Variants in ABCB4 observed in about 807,000 individuals in gnomAD.
ABCB4 encodes the protein ATP binding cassette subfamily B member 4.
Under a neutral mutation model 145.7 loss-of-function variants are expected in ABCB4, and 76 were observed. The ratio of observed to expected loss-of-function variants is 0.52; its 90% CI spans 0.43 to 0.63. The LOEUF is 0.63. Among genes scored for constraint, ABCB4 ranks in the 30% least tolerant of loss-of-function variants. ABCB4 has a pLI of 0.00. For synonymous variants in ABCB4, 517 were observed against 566.8 expected (o/e 0.91, Z 1.25); for missense variants, 1,234 against 1,553.1 (o/e 0.79, Z 3.45).
At chr7:87,457,394 A>T (rs1416582406) in intron 4 of ABCB4, among the ~76,000 whole-genome samples, 1 of 152,144 alleles carries the variant, frequency 6.6e-6, no homozygotes, top group Admixed American at 6.5e-5. Context: ...TGGGCAACAG[A>T]GCAAGACCCT....
the ABCB4 span, among the ~76,000 whole-genome samples, chr7:87,366,726 G>T: frequency 6.6e-6 from 1 of 152,176 alleles, no homozygotes; most frequent in South Asian, 2.1e-4. Context: ...TCAAATCTTT[G>T]CTACCTCTCC....
At chr7:87,475,238 TC>T in intron 2 of ABCB4, 147 bp downstream of exon 2, 1 of 908,096 alleles carries the variant, frequency 1.1e-6, no homozygotes, top group Non-Finnish European at 1.8e-6. Flanking sequence ...TGCTCCAAGG[TC>T]AGAACCGGAT....
the ABCB4 span, among the ~76,000 whole-genome samples, chr7:87,390,772 AGGTCAAG>A: frequency 1.3e-5 from 2 of 152,218 alleles, no homozygotes; most frequent in Non-Finnish European, 2.9e-5. Context: ...GAGGCACTAA[AGGTCAAG>A]GACTCTGTAT....
At chr7:87,375,514 T>G in the ABCB4 span, 1 of 644,176 alleles carries the variant, frequency 1.6e-6, no homozygotes, top group Non-Finnish European at 2.6e-6. Context: ...TCATAAGTGG[T>G]TTCTTTGGGT....
chr7:87,387,340 G>A, the ABCB4 span, among the ~76,000 whole-genome samples: 1 of 151,876 alleles, frequency 6.6e-6, no homozygotes, highest in East Asian at 1.9e-4. Flanking sequence ...CAGTAAATTT[G>A]TGTTTAAGTC....
Position 87,408,139 on chromosome 7 carries a change from C to T in ABCB4, c.3177G>A (p.Val1059=). The change falls in exon 25 of 28, where the codon GTG becomes GTA. Residue 1059 remains valine (V), a synonymous_variant. Transcript: ENST00000649586. The part of the protein sequence containing the change: ...VPVLQGLSLE[V]KKGQTLALVG... The stretch of plus-strand genomic sequence containing the variant: ...CCAGGGCTAGTGTCTGGCCTTTCTT[C>T]ACCTCCAGGCTCAGCCCCTGAAGCA... The T allele has an allele frequency of 6.2e-7, 1 of 1,614,230 alleles. No individual in the cohort carries two copies. The highest frequency in any genetic ancestry group is 8.5e-7 in the Non-Finnish European group (1 of 1,180,032).
the ABCB4 span, among the ~76,000 whole-genome samples, chr7:87,378,018 C>T: frequency 1.3e-5 from 2 of 152,034 alleles, no homozygotes; most frequent in Admixed American, 1.3e-4. Flanking sequence ...GATAGGCATT[C>T]AGGAGGTCTA....
chr7:87,386,288 T>A, the ABCB4 span, among the ~76,000 whole-genome samples: 2 of 152,232 alleles, frequency 1.3e-5, no homozygotes, highest in African/African-American at 4.8e-5. Context: ...AGTGAAGCCA[T>A]CAGGTCCTAA....
chr7:87,411,614 A>G lies in ABCB4; in HGVS notation c.2924+279T>C, dbSNP rs1808630627. 2.6e-5 allele frequency among the ~76,000 whole-genome samples: 4 copies of G among 152,282 alleles called. No homozygotes were observed. In the South Asian group the frequency reaches 8.3e-4, roughly 32 times the overall value. On this transcript the variant is annotated intron_variant, in intron 23 of 27. Transcript: ENST00000649586. ...TGATTTTTTCTGCCTATATTCTATA[A>G]TGAGAAAATTTGCATCATCCTGACC...
Position 87,451,715 on chromosome 7 carries a change from A to T in ABCB4, c.616T>A (p.Phe206Ile), listed in dbSNP as rs754441931. ...FQAVATFFAG[F>I]IVGFIRGWKL... ...CATCCTCTGATGAATCCCACTATGAATCCTGCAAAAAACGTGGCTACTGCT... is the reference window on the plus strand; with the variant it reads ...CATCCTCTGATGAATCCCACTATGATTCCTGCAAAAAACGTGGCTACTGCT... Residue 206 changes from phenylalanine to isoleucine, a missense_variant, in exon 7 of 28, where the codon TTC becomes ATC. Around this residue, in one of 7 missense-constraint regions of ABCB4, gnomAD observed 467 missense variants for 632.8 expected, o/e 0.74. Coordinates refer to ENST00000649586, the MANE Select transcript of ABCB4 (RefSeq NM_000443.4). 9.9e-6 allele frequency: 16 copies of T among 1,614,190 alleles called. No individual in the cohort carries two copies. In the South Asian group the frequency reaches 1.8e-4, roughly 18 times the overall value.
the ABCB4 span, among the ~76,000 whole-genome samples, chr7:87,385,396 A>AT: frequency 1.3e-5 from 2 of 150,998 alleles, no homozygotes; most frequent in South Asian, 2.1e-4. Flanking sequence ...CCTTGTATTG[A>AT]TTTTTTTACT....
chr7:87,462,674 TA>T lies in ABCB4; in HGVS notation c.286+83del, dbSNP rs1812542721. 6 of 1,265,454 alleles carry T rather than the reference TA, an allele frequency of 4.7e-6. No homozygotes were observed. In the Admixed American group the frequency reaches 1.0e-4, roughly 21 times the overall value. 78.4% of individuals were successfully genotyped at this position (1,265,454 alleles called of 1,614,324 possible). On this transcript the variant is annotated intron_variant, in intron 4 of 27. Coordinates refer to ENST00000649586, the MANE Select transcript of ABCB4 (RefSeq NM_000443.4). ...ATATCCAAATCATTAAATAAGATGGTAATGAATAGCAAAATCAACTCCCAAA... is the reference window on the plus strand; with the variant it reads ...ATATCCAAATCATTAAATAAGATGGTATGAATAGCAAAATCAACTCCCAAA...
At position 87,462,763 on chromosome 7, in the gene ABCB4, AAGG is replaced by A. The variant is rs1203149601; in HGVS notation, c.278_280del (p.Ser93del). On this transcript the variant is annotated inframe_deletion, in exon 4 of 28. Transcript: ENST00000649586. ...AAAGGTAAAGAAATGCTTACCTGGA[AAGG>A]AGAAGTTTCCTGCAGTATCAACAAA... The A allele has an allele frequency of 1.2e-6, 2 of 1,613,990 alleles. No individual in the cohort carries two copies. The highest frequency in any genetic ancestry group is 1.1e-5 in the South Asian group (1 of 91,068).
chr7:87,466,887 G>C (rs373386992), intron 3 of ABCB4, among the ~76,000 whole-genome samples: 1 of 152,082 alleles, frequency 6.6e-6, no homozygotes, highest in Non-Finnish European at 1.5e-5. Context: ...CCTAAAAGAG[G>C]TCCTGAAGGA....
At chr7:87,366,635 C>G in the ABCB4 span, among the ~76,000 whole-genome samples, 20,179 of 152,186 alleles carry the variant, frequency 0.13, 1,929 homozygotes, top group African/African-American at 0.27. Context: ...GATGCTACTG[C>G]TCTCTTCATG....
chr7:87,384,554 G>C, the ABCB4 span, among the ~76,000 whole-genome samples: 1 of 152,074 alleles, frequency 6.6e-6, no homozygotes, highest in Non-Finnish European at 1.5e-5. Context: ...AAGATTATTT[G>C]TCCATTTTAG....
chr7:87,413,890 C>T (rs1808794131), intron 21 of ABCB4, among the ~76,000 whole-genome samples, 173 bp from the exon 22 acceptor site: 1 of 152,210 alleles, frequency 6.6e-6, no homozygotes, highest in Non-Finnish European at 1.5e-5. Flanking sequence ...TATGACAAAA[C>T]TGGTACTTCT....
chr7:87,395,518 G>A, the ABCB4 span, among the ~76,000 whole-genome samples: 1 of 152,178 alleles, frequency 6.6e-6, no homozygotes, highest in African/African-American at 2.4e-5. Flanking sequence ...CAACACTACT[G>A]TTTTGTGCAA....
In ABCB4 at chr7:87,447,177, C is replaced by A. The variant is rs1226543370; in HGVS notation, c.862G>T (p.Glu288Ter). Residue 288 changes from glutamate to a stop codon, truncating the protein, a stop_gained, in exon 9 of 28, where the codon GAG (glutamate) becomes TAG (stop). Transcript: ENST00000649586. LOFTEE classifies it high-confidence loss of function. Reference sequence around the variant, plus strand: ...GAAATAGCTTTTTTAATTCCAATCTCTTTGGCATTTTCTAAATGTTTCTGA... The same window carrying A: ...GAAATAGCTTTTTTAATTCCAATCTATTTGGCATTTTCTAAATGTTTCTGA... ...RYQKHLENAK[E>*]IGIKKAISAN... 6.2e-7 allele frequency: 1 copy of A among 1,613,712 alleles called. No homozygotes were observed. Among genetic ancestry groups the A allele is most frequent in the African/African-American group, 1.3e-5 (1 of 74,892 alleles).
Sources: allele counts gnomAD v4.1 joint callset (sites outside exome capture counted in the v4.1 genomes callset), GRCh38; gene constraint gnomAD v4.1.1; regional missense constraint gnomAD v4.1.1; transcripts MANE v1.5; gene names NCBI Gene and HGNC (gene_info 2026-07-23, HGNC 2026-07-21).